Variants in ZNF423 observed in about 807,000 individuals in gnomAD.
The protein encoded by ZNF423 is zinc finger protein 423, also known as Ebf-associated zinc finger protein.
Under a neutral mutation model 95.8 loss-of-function variants are expected in ZNF423, and 12 were observed. The observed-to-expected ratio is 0.13, with a 90% confidence interval of 0.08 to 0.20. ZNF423 has a LOEUF of 0.20. Ranked by LOEUF, ZNF423 falls within the 10% of genes least tolerant of loss-of-function variation. The probability of loss-of-function intolerance (pLI) is 1.00; values close to 1 mark genes in which losing one functional copy is unlikely to be tolerated. For missense variants in ZNF423, 1,316 were observed against 1,737.1 expected, an observed-to-expected ratio of 0.76 and a Z score of 4.31; for synonymous variants, 749 against 711.9, an observed-to-expected ratio of 1.05 and a Z score of -0.83.
At chr16:49,817,377 T>C (rs1025138373) in intron 1 of ZNF423, among the ~76,000 whole-genome samples, 6 of 152,246 alleles carry the variant, frequency 3.9e-5, no homozygotes, top group African/African-American at 1.4e-4. Flanking sequence ...CATCTGATTT[T>C]AACGTGCACT....
intron 3 of ZNF423, among the ~76,000 whole-genome samples, chr16:49,673,531 C>T (rs1304433875): frequency 6.6e-6 from 1 of 152,220 alleles, no homozygotes; most frequent in Non-Finnish European, 1.5e-5. Context: ...CCACACTGCC[C>T]TGGTTTCTAA....
At chr16:49,777,442 G>T (rs1335434987) in intron 2 of ZNF423, among the ~76,000 whole-genome samples, 4 of 152,150 alleles carry the variant, frequency 2.6e-5, no homozygotes, top group African/African-American at 7.2e-5. Context: ...TGTGTATGTT[G>T]TGTGTGCACA....
At chr16:49,551,724 C>T (rs1969645025) in intron 5 of ZNF423, among the ~76,000 whole-genome samples, 1 of 152,166 alleles carries the variant, frequency 6.6e-6, no homozygotes, top group Non-Finnish European at 1.5e-5. Context: ...CCCTCGGGGG[C>T]ACAGCTGAGC....
intron 3 of ZNF423, among the ~76,000 whole-genome samples, chr16:49,648,144 A>G (rs1973247643): frequency 6.6e-6 from 1 of 152,218 alleles, no homozygotes; most frequent in African/African-American, 2.4e-5. Flanking sequence ...GGATATTAAT[A>G]AAGGCACTGA....
intron 5 of ZNF423, among the ~76,000 whole-genome samples, chr16:49,534,238 C>CA (rs1968969833): frequency 1.8e-5 from 1 of 54,112 alleles, no homozygotes; most frequent in East Asian, 5.4e-4. Flanking sequence ...ACTTCTCCTT[C>CA]TTTTTTTTTG....
At chr16:49,666,797 C>T (rs1246187967) in intron 3 of ZNF423, among the ~76,000 whole-genome samples, 1 of 152,160 alleles carries the variant, frequency 6.6e-6, no homozygotes, top group Admixed American at 6.5e-5. Context: ...AGTAGTTTCT[C>T]TACGCAACTT....
At chr16:49,815,881 AATATATATATATATAT>A (rs1169322824) in intron 1 of ZNF423, among the ~76,000 whole-genome samples, 1 of 47,590 alleles carries the variant, frequency 2.1e-5, no homozygotes, top group African/African-American at 9.9e-5. Context: ...AAAAAAAAAA[AATATATATATATATAT>A]ATATATATAT....
At chr16:49,807,796 C>T (rs2034688493) in intron 1 of ZNF423, among the ~76,000 whole-genome samples, 2 of 152,214 alleles carry the variant, frequency 1.3e-5, no homozygotes, top group Non-Finnish European at 2.9e-5. Flanking sequence ...GCATGCCAAC[C>T]ATCCCAGGGG....
intron 5 of ZNF423, among the ~76,000 whole-genome samples, chr16:49,578,173 G>A (rs1025121697): frequency 6.6e-6 from 1 of 152,144 alleles, no homozygotes; most frequent in African/African-American, 2.4e-5. Context: ...AAGACAGGAC[G>A]GGAATCTGAA....
chr16:49,727,479 A>T (rs183264472), intron 3 of ZNF423, among the ~76,000 whole-genome samples: 20 of 134,082 alleles, frequency 1.5e-4, no homozygotes, highest in African/African-American at 5.6e-4. Context: ...CGCTGCCCCC[A>T]ATCTCCCCCT....
At chr16:49,510,345 CA>C (rs1157121348) in intron 7 of ZNF423, among the ~76,000 whole-genome samples, 1 of 152,164 alleles carries the variant, frequency 6.6e-6, no homozygotes, top group African/African-American at 2.4e-5. Flanking sequence ...CTGAGGCCCC[CA>C]AACCTCATTT....
At chr16:49,808,175 C>T (rs2034695467) in intron 1 of ZNF423, among the ~76,000 whole-genome samples, 1 of 152,084 alleles carries the variant, frequency 6.6e-6, no homozygotes, top group Non-Finnish European at 1.5e-5. Context: ...CATCCTCCCA[C>T]CATAGCCTCC....
At chr16:49,629,397 C>T (rs111972985) in intron 4 of ZNF423, among the ~76,000 whole-genome samples, 3 of 152,176 alleles carry the variant, frequency 2.0e-5, no homozygotes, top group African/African-American at 4.8e-5. Flanking sequence ...CTATTTTATC[C>T]TACCTGTTCT....
intron 1 of ZNF423, among the ~76,000 whole-genome samples, chr16:49,816,793 G>C (rs549653435): frequency 1.3e-5 from 2 of 152,194 alleles, no homozygotes; most frequent in African/African-American, 4.8e-5. Flanking sequence ...CAAAAAAAAG[G>C]AAGATTCCAA....
intron 7 of ZNF423, among the ~76,000 whole-genome samples, chr16:49,515,242 A>G (rs1178865476): frequency 6.6e-6 from 1 of 152,194 alleles, no homozygotes; most frequent in African/African-American, 2.4e-5. Flanking sequence ...CACAGGCCCC[A>G]TGGCGTTCCC....
chr16:49,669,090 G>A (rs2030682184), intron 3 of ZNF423, among the ~76,000 whole-genome samples: 1 of 152,072 alleles, frequency 6.6e-6, no homozygotes, highest in African/African-American at 2.4e-5. Context: ...AGCACTTTGG[G>A]AGGCCGAGGC....
At chr16:49,735,517 G>T (rs146245873) in intron 2 of ZNF423, among the ~76,000 whole-genome samples, 1 of 152,174 alleles carries the variant, frequency 6.6e-6, no homozygotes, top group East Asian at 1.9e-4. Flanking sequence ...TCATCATAAC[G>T]AGGGACCGAA....
At chr16:49,502,566 C>T (rs998170644) in intron 7 of ZNF423, among the ~76,000 whole-genome samples, 4 of 151,884 alleles carry the variant, frequency 2.6e-5, no homozygotes, top group Admixed American at 6.6e-5. Flanking sequence ...GCCACATGAC[C>T]GCATTCAAAA....
At chr16:49,779,218 A>G (rs1249364112) in intron 2 of ZNF423, among the ~76,000 whole-genome samples, 1 of 151,964 alleles carries the variant, frequency 6.6e-6, no homozygotes, top group Non-Finnish European at 1.5e-5. Flanking sequence ...GAGTGAGCAG[A>G]GCATCAGGGA....
Sources: gnomAD v4.1 joint callset for allele counts (sites outside exome capture counted in the v4.1 genomes callset) on GRCh38, gnomAD v4.1.1 for gene constraint, MANE v1.5 for transcripts, NCBI Gene and HGNC (gene_info 2026-07-23, HGNC 2026-07-21) for gene names.